Variants in PDE1C observed in about 807,000 individuals in gnomAD.
PDE1C encodes phosphodiesterase 1C, also known as dual specificity calcium/calmodulin-dependent 3',5'-cyclic nucleotide phosphodiesterase 1C.
In PDE1C, 62 loss-of-function variants were observed where a neutral mutation model predicts 93.1. That is an observed-to-expected ratio of 0.67 (90% CI 0.54 to 0.82). The LOEUF (loss-of-function observed/expected upper bound fraction) is 0.82, where lower values mean the gene tolerates loss of function less well. PDE1C is among the 40% of genes least tolerant of loss of function. The pLI, the probability that PDE1C is intolerant of heterozygous loss-of-function variation, is 0.00. For synonymous variants in PDE1C, 325 were observed against 310.1 expected, an observed-to-expected ratio of 1.05 and a Z score of -0.50; for missense variants, 742 against 884.6, an observed-to-expected ratio of 0.84 and a Z score of 2.04.
intron 1 of PDE1C, among the ~76,000 whole-genome samples, chr7:32,340,887 G>A (rs1418542214): frequency 6.6e-6 from 1 of 152,056 alleles, no homozygotes; most frequent in Admixed American, 6.6e-5. Flanking sequence ...AGGATTTTTA[G>A]AACAGTGAGA....
chr7:32,298,664 G>A, exon 1 of PDE1C: 2 of 1,606,884 alleles, frequency 1.2e-6, no homozygotes, highest in Non-Finnish European at 1.7e-6. Flanking sequence ...TGGTGAAGCT[G>A]TAGCCATCGA....
At chr7:32,082,897 T>C (rs562009609) in intron 3 of PDE1C, among the ~76,000 whole-genome samples, 1 of 150,536 alleles carries the variant, frequency 6.6e-6, no homozygotes, top group Non-Finnish European at 1.5e-5. Flanking sequence ...ACCACAAAGA[T>C]GGGGAAAAAA....
Position 31,876,237 on chromosome 7 carries a change from T to C in PDE1C, c.492+1733A>G, listed in dbSNP as rs550250171. Among the ~76,000 whole-genome samples the C allele has an allele frequency of 4.6e-5, 7 of 152,132 alleles. No individual in the cohort carries two copies. The South Asian group carries it at 1.4e-3, about 32-fold the overall frequency. Reference sequence around the variant, plus strand: ...AAACAGGGGACATAGCCAAGAGAAATAGCAGCTTCAGCTTTAATGCACATA... The same window carrying C: ...AAACAGGGGACATAGCCAAGAGAAACAGCAGCTTCAGCTTTAATGCACATA... On this transcript the variant is annotated intron_variant, in intron 5 of 17. Coordinates refer to ENST00000396191, the MANE Select transcript of PDE1C (RefSeq NM_001191057.4).
intron 2 of PDE1C, among the ~76,000 whole-genome samples, chr7:31,892,900 A>T (rs575927224): frequency 4.6e-5 from 7 of 152,170 alleles, no homozygotes; most frequent in African/African-American, 1.7e-4. Context: ...AATTGCTAAA[A>T]GGGTAGATTT....
the PDE1C span, among the ~76,000 whole-genome samples, chr7:31,728,458 A>G: frequency 2.6e-5 from 4 of 152,342 alleles, no homozygotes; most frequent in South Asian, 8.3e-4. Context: ...GAGAAACGCA[A>G]CATTTGTTTT....
At chr7:31,993,058 T>A (rs964626755) in intron 2 of PDE1C, among the ~76,000 whole-genome samples, 1 of 152,216 alleles carries the variant, frequency 6.6e-6, no homozygotes, top group Non-Finnish European at 1.5e-5. Flanking sequence ...TTCTTATGGA[T>A]GCTTTTCATA....
At chr7:31,643,730 C>T in the PDE1C span, 1 of 1,614,034 alleles carries the variant, frequency 6.2e-7, no homozygotes. Context: ...TCTCTAGACT[C>T]AGGCTTCTCT....
intron 17 of PDE1C, among the ~76,000 whole-genome samples, chr7:31,763,962 AATAT>A (rs1239680735): frequency 1.3e-5 from 2 of 148,956 alleles, no homozygotes; most frequent in Non-Finnish European, 3.0e-5. Context: ...CATTTGTGAA[AATAT>A]ATATATTATG....
At chr7:31,936,719 G>A (rs1382318149) in intron 2 of PDE1C, among the ~76,000 whole-genome samples, 3 of 152,156 alleles carry the variant, frequency 2.0e-5, no homozygotes, top group Admixed American at 6.5e-5. Context: ...GAGAGAAGAA[G>A]TATTGAAGTT....
At chr7:31,648,964 G>A in the PDE1C span, among the ~76,000 whole-genome samples, 3 of 152,248 alleles carry the variant, frequency 2.0e-5, no homozygotes, top group African/African-American at 7.2e-5. Flanking sequence ...GCCCTTCATG[G>A]TCTACAAGAT....
the PDE1C span, among the ~76,000 whole-genome samples, chr7:31,719,904 C>G: frequency 8.7e-4 from 133 of 152,202 alleles, no homozygotes; most frequent in Non-Finnish European, 1.7e-3. Context: ...GGAAATCATA[C>G]TTAGAAGTCT....
intron 2 of PDE1C, among the ~76,000 whole-genome samples, chr7:31,932,783 C>T (rs1804502072): frequency 6.6e-6 from 1 of 151,762 alleles, no homozygotes; most frequent in Admixed American, 6.6e-5. Context: ...TACTGCAGTG[C>T]TATTCACAAT....
rs140390468 is a variant in PDE1C at position 32,305,045 on chromosome 7, C to T, written c.311-95506G>A. ...AGTATCACCCTGTGAGCAATGAGACCGGACGTTCTAGGTCTCCATCACTCA... is the reference window on the plus strand; with the variant it reads ...AGTATCACCCTGTGAGCAATGAGACTGGACGTTCTAGGTCTCCATCACTCA... On this transcript the variant is annotated intron_variant, in intron 1 of 1. Transcript: ENST00000672256. Among the ~76,000 whole-genome samples the T allele has an allele frequency of 4.6e-4, 70 of 152,216 alleles. No individual in the cohort carries two copies. In the South Asian group the frequency reaches 4.8e-3, roughly 10 times the overall value.
intron 2 of PDE1C, among the ~76,000 whole-genome samples, chr7:31,946,315 T>C (rs1806602502): frequency 6.6e-6 from 1 of 152,122 alleles, no homozygotes; most frequent in Admixed American, 6.6e-5. Flanking sequence ...TCATGGTCTT[T>C]GGAACAACAA....
At chr7:32,233,670 G>T (rs1562603476) in intron 1 of PDE1C, among the ~76,000 whole-genome samples, 1 of 152,020 alleles carries the variant, frequency 6.6e-6, no homozygotes, top group African/African-American at 2.4e-5. Flanking sequence ...TAACAACAAA[G>T]CTTCAAAATA....
At chr7:32,056,602 C>T (rs1054312596) in intron 1 of PDE1C, among the ~76,000 whole-genome samples, 6 of 152,020 alleles carry the variant, frequency 3.9e-5, no homozygotes, top group African/African-American at 9.7e-5. Context: ...GCCTGCTTTA[C>T]GGGGTGATGT....
chr7:31,922,880 A>G (rs186180780), intron 2 of PDE1C, among the ~76,000 whole-genome samples: 1 of 152,356 alleles, frequency 6.6e-6, no homozygotes, highest in Non-Finnish European at 1.5e-5. Context: ...AAGAATGTCA[A>G]GAACAACACA....
the PDE1C span, chr7:31,695,526 G>GA: frequency 3.7e-6 from 6 of 1,613,438 alleles, no homozygotes; most frequent in South Asian, 1.1e-5. Context: ...CCTAGAAAGG[G>GA]AAAAAATGTA....
intron 3 of PDE1C, among the ~76,000 whole-genome samples, chr7:32,150,250 C>T (rs1192901754): frequency 3.9e-5 from 6 of 152,162 alleles, no homozygotes; most frequent in Admixed American, 2.6e-4. Flanking sequence ...TTTGGATAAT[C>T]GCAGCCCAGC....
Sources: gnomAD v4.1 joint callset for allele counts (sites outside exome capture counted in the v4.1 genomes callset) on GRCh38, gnomAD v4.1.1 for gene constraint, MANE v1.5 for transcripts, NCBI Gene and HGNC (gene_info 2026-07-23, HGNC 2026-07-21) for gene names.